The following PRDM16 variants were observed in gnomAD, a reference collection of about 807,000 sequenced individuals.
The protein encoded by PRDM16 is PR/SET domain 16.
A neutral mutation model predicts 110.6 loss-of-function variants in PRDM16; 23 were observed. The observed-to-expected ratio is 0.21, with a 90% CI of 0.15 to 0.29. The LOEUF is 0.29. Among genes scored for constraint, PRDM16 ranks in the 10% least tolerant of loss-of-function variants. The probability of loss-of-function intolerance (pLI) is 1.00; values close to 1 mark genes in which losing one functional copy is unlikely to be tolerated. For missense variants in PRDM16, 1,615 were observed against 1,794.3 expected, an observed-to-expected ratio of 0.90 and a Z score of 1.81; for synonymous variants, 799 against 781.8, an observed-to-expected ratio of 1.02 and a Z score of -0.37.
At chr1:3,385,010 C>T in intron 3 of PRDM16, 142 bp from the exon 4 acceptor site, 1 of 997,004 alleles carries the variant, frequency 1.0e-6, no homozygotes, top group South Asian at 1.5e-5. Context: ...CCCGCTGATG[C>T]CCGGAGGGTG....
chr1:3,223,545 A>T (rs1244281599), intron 2 of PRDM16, among the ~76,000 whole-genome samples: 1 of 152,162 alleles, frequency 6.6e-6, no homozygotes, highest in Non-Finnish European at 1.5e-5. Context: ...CAAGTACGTG[A>T]TGGTGAATCT....
intron 1 of PRDM16, among the ~76,000 whole-genome samples, chr1:3,171,950 G>A (rs1035655988): frequency 1.1e-4 from 17 of 152,274 alleles, no homozygotes; most frequent in East Asian, 9.7e-4. Flanking sequence ...CCGCGCCACC[G>A]GGGGAGCTGC....
At chr1:3,335,602 A>C (rs913021388) in intron 3 of PRDM16, among the ~76,000 whole-genome samples, 1 of 144,326 alleles carries the variant, frequency 6.9e-6, no homozygotes, top group East Asian at 2.1e-4. Flanking sequence ...CTGAGGTTAA[A>C]ACACACACAC....
Position 3,382,555 on chromosome 1 carries a change from G to A in PRDM16, c.439-2597G>A, listed in dbSNP as rs781507247. Among the ~76,000 whole-genome samples, 2 of 152,338 alleles carry A rather than the reference G, an allele frequency of 1.3e-5. No homozygotes were observed. Among genetic ancestry groups the A allele is most frequent in the African/African-American group, 2.4e-5 (1 of 41,574 alleles). On this transcript the variant is annotated intron_variant, in intron 3 of 16. Transcript: ENST00000270722. This position sits in a 1 kb window ranked among gnomAD's most constrained non-coding sequence, Gnocchi z 6.6. ...GTGGCCACAGACTCCCCACCAAAGC[G>A]AGGCTTGAGCCAGCCGGGGCCCAGA...
intron 2 of PRDM16, among the ~76,000 whole-genome samples, chr1:3,216,531 G>A (rs763546253): frequency 2.6e-5 from 4 of 152,178 alleles, no homozygotes; most frequent in Non-Finnish European, 5.9e-5. Flanking sequence ...AGATGCCCCC[G>A]GTGGCTGTCC....
At chr1:3,171,072 G>T (rs1467951222) in intron 1 of PRDM16, among the ~76,000 whole-genome samples, 1 of 152,218 alleles carries the variant, frequency 6.6e-6, no homozygotes, top group Non-Finnish European at 1.5e-5. Flanking sequence ...GCACCCCTCA[G>T]CGCCCCACGG....
chr1:3,426,047 G>A lies in PRDM16; in HGVS notation c.3110-4G>A, dbSNP rs201495178. 3.2e-4 allele frequency: 513 copies of A among 1,610,938 alleles called. 1 individual carries two copies. The highest frequency in any genetic ancestry group is 3.9e-4 in the Admixed American group (23 of 59,736). ...CGCCCCCTGATGCTCCCGCCCCTCC[G>A]CAGTGAGCCAGCACCCCGGGGTCCT... On this transcript the variant is annotated splice_region_variant and splice_polypyrimidine_tract_variant and intron_variant, in intron 13 of 16. Transcript: ENST00000270722.
At chr1:3,094,953 G>A (rs566873869) in intron 1 of PRDM16, among the ~76,000 whole-genome samples, 19 of 152,348 alleles carry the variant, frequency 1.2e-4, no homozygotes, top group African/African-American at 4.1e-4. Flanking sequence ...TCGTGACCGA[G>A]ACCTTCTCAC....
At chr1:3,357,680 C>T (rs1370677589) in intron 3 of PRDM16, among the ~76,000 whole-genome samples, 2 of 152,228 alleles carry the variant, frequency 1.3e-5, no homozygotes, top group Admixed American at 6.5e-5. Context: ...CGCCCATGGC[C>T]GCGAGCGCCT....
chr1:3,124,436 C>G (rs1643161876), intron 1 of PRDM16, among the ~76,000 whole-genome samples: 1 of 152,178 alleles, frequency 6.6e-6, no homozygotes, highest in African/African-American at 2.4e-5. Flanking sequence ...CCCGTGGCCT[C>G]TAAACATGAC....
intron 1 of PRDM16, among the ~76,000 whole-genome samples, chr1:3,181,691 CGGTCTT>C: frequency 8.8e-6 from 1 of 114,192 alleles, no homozygotes; most frequent in African/African-American, 3.2e-5. Context: ...GTCTTACACA[CGGTCTT>C]ACACACGGTC....
chr1:3,263,153 C>A (rs1640208419), intron 3 of PRDM16, among the ~76,000 whole-genome samples: 1 of 152,150 alleles, frequency 6.6e-6, no homozygotes, highest in Non-Finnish European at 1.5e-5. Flanking sequence ...GGGTCTCAGG[C>A]ACCAGCAGCC....
intron 1 of PRDM16, among the ~76,000 whole-genome samples, chr1:3,170,173 C>T (rs1644009453): frequency 6.6e-6 from 1 of 152,246 alleles, no homozygotes; most frequent in Non-Finnish European, 1.5e-5. Flanking sequence ...AAACTATGAA[C>T]GTCTTCATCA....
At chr1:3,098,315 C>G (rs1473029897) in intron 1 of PRDM16, among the ~76,000 whole-genome samples, 1 of 152,214 alleles carries the variant, frequency 6.6e-6, no homozygotes, top group Admixed American at 6.5e-5. Flanking sequence ...TCCCTGCTCC[C>G]TGCTCCTGGG....
intron 4 of PRDM16, among the ~76,000 whole-genome samples, chr1:3,388,602 C>T (rs1643242449): frequency 1.3e-5 from 2 of 152,200 alleles, no homozygotes; most frequent in African/African-American, 4.8e-5. Flanking sequence ...GAGATGAGCT[C>T]CTCTACTGGG....
intron 12 of PRDM16, chr1:3,424,819 G>C (rs1638545618): frequency 6.9e-6 from 1 of 145,380 alleles, no homozygotes; most frequent in Non-Finnish European, 1.5e-5. Flanking sequence ...GGTCTGTGGA[G>C]CCCCTCCGGC....
At chr1:3,132,298 C>A (rs969647196) in intron 1 of PRDM16, among the ~76,000 whole-genome samples, 1 of 152,178 alleles carries the variant, frequency 6.6e-6, no homozygotes. Flanking sequence ...GTGGTCCCTG[C>A]CCAACTGATT....
intron 3 of PRDM16, among the ~76,000 whole-genome samples, chr1:3,356,474 A>T (rs1642605093): frequency 6.6e-6 from 1 of 152,196 alleles, no homozygotes; most frequent in African/African-American, 2.4e-5. Flanking sequence ...CTCCCTTTCC[A>T]ACAGAGAAAC....
chr1:3,410,253 T>C lies in PRDM16; in HGVS notation c.1187-1131T>C, dbSNP rs116088460. ...CAAGCTGGTGATTCGCTGACAACCG[T>C]TCACAGGCCTTTAGGAAAATGGCCG... is the stretch of plus-strand genomic sequence containing the variant. On this transcript the variant is annotated intron_variant, in intron 8 of 16. Coordinates refer to ENST00000270722, the MANE Select transcript of PRDM16 (RefSeq NM_022114.4). Among the ~76,000 whole-genome samples, 515 of 152,180 alleles carry C rather than the reference T, an allele frequency of 3.4e-3. 1 individual carries two copies. Among genetic ancestry groups the C allele is most frequent in the African/African-American group, 0.012 (485 of 41,500 alleles).
Sources: allele counts gnomAD v4.1 joint callset (sites outside exome capture counted in the v4.1 genomes callset), GRCh38; gene constraint gnomAD v4.1.1; non-coding constraint Gnocchi (gnomAD v3.1); transcripts MANE v1.5; gene names NCBI Gene and HGNC (gene_info 2026-07-23, HGNC 2026-07-21).